The following GRID2 variants were observed in gnomAD, a reference collection of about 807,000 sequenced individuals.
The protein encoded by GRID2 is glutamate ionotropic receptor delta type subunit 2, also known as glutamate receptor ionotropic, delta-2.
GRID2 carries 33 observed loss-of-function variants against 114.8 expected under a neutral mutation model. The ratio of observed to expected loss-of-function variants is 0.29; its 90% CI spans 0.22 to 0.38. The LOEUF is 0.38. Among genes scored for constraint, GRID2 ranks in the 10% least tolerant of loss-of-function variants. The pLI is 1.00. For missense variants in GRID2, 1,184 were observed against 1,257.7 expected (o/e 0.94, Z 0.89); for synonymous variants, 505 against 449.9 (o/e 1.12, Z -1.55).
At chr4:93,511,358 C>A (rs946242475) in intron 12 of GRID2, among the ~76,000 whole-genome samples, 4 of 152,120 alleles carry the variant, frequency 2.6e-5, no homozygotes, top group African/African-American at 9.7e-5. Flanking sequence ...TCACACAGTA[C>A]CTCAGTGTAT....
At chr4:92,385,157 C>T (rs1405743927) in intron 1 of GRID2, among the ~76,000 whole-genome samples, 1 of 151,628 alleles carries the variant, frequency 6.6e-6, no homozygotes, top group Non-Finnish European at 1.5e-5. Context: ...TTTATAATTT[C>T]ATTTATTTTC....
At chr4:92,961,146 A>G (rs2149154399) in intron 2 of GRID2, among the ~76,000 whole-genome samples, 1 of 152,046 alleles carries the variant, frequency 6.6e-6, no homozygotes, top group South Asian at 2.1e-4. Context: ...ACGTAAGCAT[A>G]CACATATATA....
intron 13 of GRID2, among the ~76,000 whole-genome samples, chr4:93,567,338 G>T (rs959992718): frequency 6.6e-6 from 1 of 152,022 alleles, no homozygotes; most frequent in Non-Finnish European, 1.5e-5. Flanking sequence ...AATTTAAGTT[G>T]TAATTTGAGC....
At chr4:92,908,018 C>T (rs983809331) in intron 2 of GRID2, among the ~76,000 whole-genome samples, 1 of 151,932 alleles carries the variant, frequency 6.6e-6, no homozygotes, top group African/African-American at 2.4e-5. Context: ...AGGGAAACTC[C>T]ATCTCAAACA....
At chr4:92,723,049 T>C (rs1281256608) in intron 2 of GRID2, among the ~76,000 whole-genome samples, 1 of 151,944 alleles carries the variant, frequency 6.6e-6, no homozygotes, top group Non-Finnish European at 1.5e-5. Context: ...GCTCTGCATG[T>C]GTACTTTTTT....
intron 1 of GRID2, among the ~76,000 whole-genome samples, chr4:92,460,647 A>C (rs2149087460): frequency 6.6e-6 from 1 of 152,268 alleles, no homozygotes; most frequent in East Asian, 1.9e-4. Context: ...TAGAACTGTT[A>C]GAATTGTGGC....
At chr4:93,034,903 G>A (rs1724782968) in intron 2 of GRID2, among the ~76,000 whole-genome samples, 1 of 152,110 alleles carries the variant, frequency 6.6e-6, no homozygotes, top group Admixed American at 6.6e-5. Context: ...TGCGTGTTCA[G>A]CATATTCTTG....
intron 4 of GRID2, among the ~76,000 whole-genome samples, chr4:93,170,246 G>A (rs1368796674): frequency 6.6e-6 from 1 of 152,058 alleles, no homozygotes; most frequent in Non-Finnish European, 1.5e-5. Context: ...AATGCACCCG[G>A]CTAATTTTTG....
intron 2 of GRID2, among the ~76,000 whole-genome samples, chr4:92,932,938 G>C (rs577103508): frequency 1.3e-5 from 2 of 151,278 alleles, no homozygotes; most frequent in Non-Finnish European, 3.0e-5. Flanking sequence ...AAGTGGGAAT[G>C]ATTGAAAAGG....
chr4:92,588,103 G>A (rs1252010241), intron 1 of GRID2, among the ~76,000 whole-genome samples: 1 of 151,986 alleles, frequency 6.6e-6, no homozygotes, highest in African/African-American at 2.4e-5. Context: ...CTAAACCTGA[G>A]AGTATTAAAT....
intron 1 of GRID2, among the ~76,000 whole-genome samples, chr4:92,480,258 T>G (rs1722517456): frequency 6.6e-6 from 1 of 152,174 alleles, no homozygotes; most frequent in Non-Finnish European, 1.5e-5. Context: ...TGTCTTGCTT[T>G]AAGTGAATGT....
chr4:93,051,443 C>T (rs967107501), intron 2 of GRID2, among the ~76,000 whole-genome samples: 4 of 152,002 alleles, frequency 2.6e-5, no homozygotes, highest in African/African-American at 4.8e-5. Context: ...CACATGTCAC[C>T]TCAGACCTAG....
intron 2 of GRID2, among the ~76,000 whole-genome samples, chr4:92,710,199 C>T (rs1310183846): frequency 1.3e-5 from 2 of 152,012 alleles, no homozygotes; most frequent in Non-Finnish European, 2.9e-5. Flanking sequence ...AGATTTCCAG[C>T]CACTTCAATG....
chr4:93,067,722 T>C (rs1728429718), intron 2 of GRID2, among the ~76,000 whole-genome samples: 1 of 152,162 alleles, frequency 6.6e-6, no homozygotes, highest in East Asian at 1.9e-4. Flanking sequence ...CACCTTATTA[T>C]TTGTTTAACA....
At chr4:92,553,890 T>C (rs907662812) in intron 1 of GRID2, among the ~76,000 whole-genome samples, 3 of 152,166 alleles carry the variant, frequency 2.0e-5, no homozygotes, top group African/African-American at 7.2e-5. Flanking sequence ...GACCTCATGA[T>C]CCACCTGCCT....
At chr4:93,055,317 G>A (rs747017007) in intron 2 of GRID2, among the ~76,000 whole-genome samples, 33 of 151,914 alleles carry the variant, frequency 2.2e-4, no homozygotes, top group Middle Eastern at 3.4e-3. Flanking sequence ...TGACAAAGCA[G>A]TGCTGGGTTT....
At chr4:92,462,663 A>G (rs374740916) in intron 1 of GRID2, among the ~76,000 whole-genome samples, 4 of 152,140 alleles carry the variant, frequency 2.6e-5, no homozygotes, top group East Asian at 3.9e-4. Flanking sequence ...TAACCAAAAC[A>G]CATTCCTAAA....
intron 1 of GRID2, among the ~76,000 whole-genome samples, chr4:92,537,838 G>C (rs1477977040): frequency 6.9e-6 from 1 of 144,508 alleles, no homozygotes; most frequent in African/African-American, 2.6e-5. Flanking sequence ...TGTCTAATTT[G>C]AGCAAGACCA....
chr4:93,192,747 CAAAAA>C (rs775968274), intron 4 of GRID2, among the ~76,000 whole-genome samples: 1 of 43,748 alleles, frequency 2.3e-5, no homozygotes, highest in Non-Finnish European at 4.8e-5. Flanking sequence ...AACTCCATCT[CAAAAA>C]AAAAAAAAAA....
Sources: gnomAD v4.1 joint callset for allele counts (sites outside exome capture counted in the v4.1 genomes callset) on GRCh38, gnomAD v4.1.1 for gene constraint, MANE v1.5 for transcripts, NCBI Gene and HGNC (gene_info 2026-07-23, HGNC 2026-07-21) for gene names.